The following PARD3B variants were observed in gnomAD, a reference collection of about 807,000 sequenced individuals.
The protein encoded by PARD3B is partitioning defective 3 homolog B.
PARD3B carries 103 observed loss-of-function variants against 130.2 expected under a neutral mutation model. That is an observed-to-expected ratio of 0.79 (90% CI 0.67 to 0.93). The LOEUF (loss-of-function observed/expected upper bound fraction) is 0.93. Among genes scored for constraint, PARD3B ranks in the 40% least tolerant of loss-of-function variants. The pLI is 0.00. For missense variants in PARD3B, 1,609 were observed against 1,499.2 expected, an observed-to-expected ratio of 1.07 and a Z score of -1.21; for synonymous variants, 583 against 553.2, an observed-to-expected ratio of 1.05 and a Z score of -0.76.
At chr2:205,443,350 G>A (rs759233795) in intron 20 of PARD3B, among the ~76,000 whole-genome samples, 1 of 152,146 alleles carries the variant, frequency 6.6e-6, no homozygotes, top group Non-Finnish European at 1.5e-5. Flanking sequence ...CATTTAGTAA[G>A]TATGTATTTG....
At chr2:205,197,024 G>GT (rs1491237859) in intron 15 of PARD3B, among the ~76,000 whole-genome samples, 209 of 12,060 alleles carry the variant, frequency 0.017, 3 homozygotes, top group Admixed American at 0.023. Context: ...CTTCCACTGT[G>GT]GGGGGGGGGT....
At chr2:205,472,498 A>G (rs2048870256) in intron 20 of PARD3B, among the ~76,000 whole-genome samples, 1 of 152,216 alleles carries the variant, frequency 6.6e-6, no homozygotes, top group African/African-American at 2.4e-5. Flanking sequence ...TCATATAAAT[A>G]TGCAATGATA....
chr2:205,157,364 A>G (rs2034239057), intron 10 of PARD3B, among the ~76,000 whole-genome samples: 3 of 152,218 alleles, frequency 2.0e-5, no homozygotes, highest in African/African-American at 7.2e-5. Context: ...AACTTGTAAT[A>G]GATTTATTAA....
chr2:205,597,415 T>G (rs2054611029), intron 22 of PARD3B, among the ~76,000 whole-genome samples: 1 of 152,198 alleles, frequency 6.6e-6, no homozygotes, highest in African/African-American at 2.4e-5. Context: ...ATTTTCTTTA[T>G]CCAGTCCAGA....
rs574951087 is a variant in PARD3B at position 204,696,896 on chromosome 2, T to C, written c.222+10614T>C. Among the ~76,000 whole-genome samples, 18 of 152,252 alleles carry C rather than the reference T, an allele frequency of 1.2e-4. No individual in the cohort carries two copies. The South Asian group carries it at 3.5e-3, about 30-fold the overall frequency. Reference sequence around the variant, plus strand: ...GAAGAAAGCCTCCTTGTGCAGACTTTAAATCAGGAGTGAAATAGCATAGAA... The same window carrying C: ...GAAGAAAGCCTCCTTGTGCAGACTTCAAATCAGGAGTGAAATAGCATAGAA... On this transcript the variant is annotated intron_variant, in intron 2 of 22. Coordinates refer to ENST00000406610, the MANE Select transcript of PARD3B (RefSeq NM_001302769.2).
chr2:204,849,668 C>T (rs566825223), intron 2 of PARD3B, among the ~76,000 whole-genome samples: 4 of 152,246 alleles, frequency 2.6e-5, no homozygotes, highest in Admixed American at 6.5e-5. Flanking sequence ...GTTAGTGACA[C>T]GTTACTTAGC....
chr2:205,596,454 G>T (rs1257732921), intron 22 of PARD3B, among the ~76,000 whole-genome samples: 1 of 152,176 alleles, frequency 6.6e-6, no homozygotes, highest in Non-Finnish European at 1.5e-5. Flanking sequence ...GCTGTGGGGG[G>T]CCAACAGCAG....
intron 18 of PARD3B, among the ~76,000 whole-genome samples, chr2:205,389,815 C>T (rs1043929987): frequency 6.6e-6 from 1 of 152,120 alleles, no homozygotes; most frequent in Non-Finnish European, 1.5e-5. Context: ...ATGAGATAGA[C>T]ATCATGTTTT....
chr2:204,579,718 G>T (rs948125321), intron 1 of PARD3B, among the ~76,000 whole-genome samples: 1 of 150,990 alleles, frequency 6.6e-6, no homozygotes, highest in African/African-American at 2.5e-5. Context: ...GATTAGTTGT[G>T]AACATGGAAC....
Position 205,015,186 on chromosome 2 carries a change from TTACAA to T in PARD3B, c.395-32392_395-32388del, listed in dbSNP as rs1294106471. Among the ~76,000 whole-genome samples the T allele has an allele frequency of 2.0e-5, 3 of 152,142 alleles. No individual in the cohort carries two copies. The highest frequency in any genetic ancestry group is 4.8e-5 in the African/African-American group (2 of 41,410). ...ATACAATATGTATTTTTATGTATTC[TTACAA>T]TAAAGTAAGCTAGAGGAAAGAAAAA... On this transcript the variant is annotated intron_variant, in intron 3 of 22. Coordinates refer to ENST00000406610, the MANE Select transcript of PARD3B (RefSeq NM_001302769.2). The surrounding 1 kb of genome is among the most constrained non-coding windows in gnomAD (Gnocchi z 4.5).
intron 18 of PARD3B, among the ~76,000 whole-genome samples, chr2:205,332,755 C>T (rs2043184147): frequency 6.6e-6 from 1 of 152,132 alleles, no homozygotes; most frequent in Non-Finnish European, 1.5e-5. Context: ...TCCCTACCTA[C>T]ACTAAATAGT....
At chr2:205,072,012 A>G (rs1266219322) in intron 4 of PARD3B, among the ~76,000 whole-genome samples, 1 of 152,132 alleles carries the variant, frequency 6.6e-6, no homozygotes, top group Non-Finnish European at 1.5e-5. Flanking sequence ...ATAAATTATG[A>G]GTTCTTATTT....
At chr2:204,756,407 G>A (rs1240854061) in intron 2 of PARD3B, among the ~76,000 whole-genome samples, 1 of 151,856 alleles carries the variant, frequency 6.6e-6, no homozygotes, top group Non-Finnish European at 1.5e-5. Context: ...GATACAAATG[G>A]TTGTTACCAA....
chr2:205,126,646 T>C (rs1178414056), intron 10 of PARD3B, among the ~76,000 whole-genome samples: 3 of 147,536 alleles, frequency 2.0e-5, no homozygotes, highest in Non-Finnish European at 4.5e-5. Context: ...CTCGGGAGGC[T>C]GAGGCAGGAG....
At chr2:205,062,815 T>C (rs535870589) in intron 4 of PARD3B, among the ~76,000 whole-genome samples, 1 of 152,320 alleles carries the variant, frequency 6.6e-6, no homozygotes, top group East Asian at 1.9e-4. Flanking sequence ...TTTAATTTAT[T>C]CAGCATGAAA....
chr2:204,792,086 G>C (rs994130933), intron 2 of PARD3B, among the ~76,000 whole-genome samples: 2 of 152,150 alleles, frequency 1.3e-5, no homozygotes, highest in Non-Finnish European at 2.9e-5. Flanking sequence ...GTTCTCTGGA[G>C]CTCATGCCCT....
At chr2:205,374,454 T>G (rs554961718) in intron 18 of PARD3B, among the ~76,000 whole-genome samples, 182 of 152,200 alleles carry the variant, frequency 1.2e-3, no homozygotes, top group Admixed American at 2.4e-3. Context: ...AGGCTGGTCT[T>G]GAACCCCTGA....
At chr2:205,487,920 G>A (rs1434850433) in intron 20 of PARD3B, among the ~76,000 whole-genome samples, 1 of 152,192 alleles carries the variant, frequency 6.6e-6, no homozygotes, top group Non-Finnish European at 1.5e-5. Context: ...TCATTAATTT[G>A]TTCAAGTACC....
chr2:205,056,005 G>C (rs976548575), intron 4 of PARD3B, among the ~76,000 whole-genome samples: 12 of 152,098 alleles, frequency 7.9e-5, no homozygotes, highest in Admixed American at 1.3e-4. Flanking sequence ...AAAGTTAAGG[G>C]TATGGGTTGT....
Sources: allele counts gnomAD v4.1 joint callset (sites outside exome capture counted in the v4.1 genomes callset), GRCh38; gene constraint gnomAD v4.1.1; non-coding constraint Gnocchi (gnomAD v3.1); transcripts MANE v1.5; gene names NCBI Gene and HGNC (gene_info 2026-07-23, HGNC 2026-07-21).